KIF26B: variants seen among roughly 807,000 people sequenced by gnomAD.
The protein encoded by KIF26B is kinesin family member 26B.
Under a neutral mutation model 151.2 loss-of-function variants are expected in KIF26B, and 63 were observed. That is an observed-to-expected ratio of 0.42 (90% confidence interval 0.34 to 0.51). The LOEUF is 0.51. Among genes scored for constraint, KIF26B ranks in the 20% least tolerant of loss-of-function variants. KIF26B has a pLI of 0.07. For synonymous variants in KIF26B, 1,357 were observed against 1,262.1 expected (o/e 1.08, Z -1.59); for missense variants, 2,813 against 2,913.6 (o/e 0.97, Z 0.79).
intron 2 of KIF26B, among the ~76,000 whole-genome samples, chr1:245,173,236 G>T (rs1668743584): frequency 6.6e-6 from 1 of 152,220 alleles, no homozygotes; most frequent in Non-Finnish European, 1.5e-5. Flanking sequence ...TGGTTACCAA[G>T]AATTGGGGAA....
At chr1:245,652,041 G>T (rs1183332991) in intron 10 of KIF26B, among the ~76,000 whole-genome samples, 1 of 151,476 alleles carries the variant, frequency 6.6e-6, no homozygotes, top group Admixed American at 6.6e-5. Flanking sequence ...AAAATGCAAA[G>T]GAGTATCAGT....
chr1:245,490,731 A>G (rs1002457194), intron 4 of KIF26B, among the ~76,000 whole-genome samples: 5 of 152,216 alleles, frequency 3.3e-5, no homozygotes, highest in African/African-American at 1.2e-4. Flanking sequence ...CCTGTTTTCC[A>G]TTCATTCTAC....
rs2043399788 is a variant in KIF26B at position 245,601,884 on chromosome 1, A to G, written c.1351-693A>G. Among the ~76,000 whole-genome samples, 1 of 152,134 alleles carries G rather than the reference A, an allele frequency of 6.6e-6. No individual in the cohort carries two copies. The highest frequency in any genetic ancestry group is 2.4e-5 in the African/African-American group (1 of 41,382). On this transcript the variant is annotated intron_variant, in intron 5 of 14. Coordinates refer to ENST00000407071, the MANE Select transcript of KIF26B (RefSeq NM_018012.4). This position sits in a 1 kb window ranked among gnomAD's most constrained non-coding sequence, Gnocchi z 4.4. ...CGGGGCTGGGTTGGTGGTGGGTACC[A>G]GAGGTGCTCAGTGTTCAATCACGCA... is the stretch of plus-strand genomic sequence containing the variant.
At chr1:245,533,351 A>G (rs1017577686) in intron 4 of KIF26B, among the ~76,000 whole-genome samples, 1 of 152,098 alleles carries the variant, frequency 6.6e-6, no homozygotes, top group Non-Finnish European at 1.5e-5. Context: ...AGAGTCTCAC[A>G]GTTTTTCAGT....
intron 2 of KIF26B, among the ~76,000 whole-genome samples, chr1:245,360,676 T>C (rs561213210): frequency 6.6e-5 from 10 of 152,054 alleles, no homozygotes; most frequent in Non-Finnish European, 1.0e-4. Flanking sequence ...TTCAAAATAG[T>C]CAACACTGTC....
intron 4 of KIF26B, among the ~76,000 whole-genome samples, chr1:245,521,940 G>C (rs896216558): frequency 6.6e-6 from 1 of 150,702 alleles, no homozygotes; most frequent in African/African-American, 2.4e-5. Flanking sequence ...TGCGATCTCG[G>C]CTCACTGCAA....
At chr1:245,317,920 G>T (rs1382498262) in intron 2 of KIF26B, among the ~76,000 whole-genome samples, 1 of 152,156 alleles carries the variant, frequency 6.6e-6, no homozygotes, top group Non-Finnish European at 1.5e-5. Context: ...TTATCTTTCC[G>T]TCTTCAATGG....
At chr1:245,219,639 C>T (rs1473890088) in intron 2 of KIF26B, among the ~76,000 whole-genome samples, 13 of 152,006 alleles carry the variant, frequency 8.6e-5, no homozygotes, top group Admixed American at 5.2e-4. Flanking sequence ...GAGGCTGAGG[C>T]GGGAGGATCA....
chr1:245,444,442 G>A (rs548844314), intron 4 of KIF26B, among the ~76,000 whole-genome samples: 11 of 152,252 alleles, frequency 7.2e-5, no homozygotes, highest in Non-Finnish European at 1.5e-4. Context: ...CCCCTCCTCC[G>A]TACCTTGCAG....
chr1:245,331,807 A>T (rs1349476382), intron 2 of KIF26B, among the ~76,000 whole-genome samples: 1 of 152,214 alleles, frequency 6.6e-6, no homozygotes, highest in Non-Finnish European at 1.5e-5. Flanking sequence ...GGATTTTTAA[A>T]AAGTGAGATT....
chr1:245,245,858 G>A (rs550481023), intron 2 of KIF26B, among the ~76,000 whole-genome samples: 31 of 146,986 alleles, frequency 2.1e-4, no homozygotes, highest in Non-Finnish European at 3.9e-4. Context: ...CCCAAGAGGC[G>A]GAGATTGCAG....
intron 10 of KIF26B, among the ~76,000 whole-genome samples, chr1:245,680,556 G>A (rs923515469): frequency 2.0e-5 from 3 of 151,972 alleles, no homozygotes; most frequent in African/African-American, 4.8e-5. Context: ...TCGCTATCAC[G>A]ATGTTCTCTC....
At chr1:245,658,191 C>T (rs982855204) in intron 10 of KIF26B, among the ~76,000 whole-genome samples, 1 of 152,154 alleles carries the variant, frequency 6.6e-6, no homozygotes, top group African/African-American at 2.4e-5. Context: ...TTTTGAGATC[C>T]ATCTTGATGC....
intron 5 of KIF26B, among the ~76,000 whole-genome samples, chr1:245,570,171 C>A (rs2043053792): frequency 6.6e-6 from 1 of 151,834 alleles, no homozygotes; most frequent in Non-Finnish European, 1.5e-5. Flanking sequence ...CTCCTGACCT[C>A]GTGATCCACC....
intron 2 of KIF26B, among the ~76,000 whole-genome samples, chr1:245,284,324 A>G (rs1671128054): frequency 6.6e-6 from 1 of 152,086 alleles, no homozygotes; most frequent in Admixed American, 6.5e-5. Context: ...ATCTCTGGGG[A>G]ATTTTTGAGG....
chr1:245,184,047 G>GTTTTTTTT (rs1469137088), intron 2 of KIF26B, among the ~76,000 whole-genome samples: 40 of 9,232 alleles, frequency 4.3e-3, no homozygotes, highest in South Asian at 8.9e-3. Flanking sequence ...GGTGGGAGTT[G>GTTTTTTTT]TTGTTTTTTT....
chr1:245,432,147 C>T (rs976349038), intron 4 of KIF26B, among the ~76,000 whole-genome samples: 6 of 152,102 alleles, frequency 3.9e-5, no homozygotes, highest in African/African-American at 1.4e-4. Context: ...GTACCTGCTA[C>T]ATTAGGAATA....
intron 4 of KIF26B, among the ~76,000 whole-genome samples, chr1:245,522,113 C>T (rs1226947727): frequency 2.0e-5 from 3 of 152,140 alleles, no homozygotes; most frequent in Non-Finnish European, 4.4e-5. Flanking sequence ...TCATGATCTG[C>T]CCGCCTTGGC....
At chr1:245,693,056 T>C (rs1304048891) in intron 12 of KIF26B, among the ~76,000 whole-genome samples, 3 of 152,190 alleles carry the variant, frequency 2.0e-5, no homozygotes, top group South Asian at 2.1e-4. Flanking sequence ...ATCCATTATA[T>C]GTTATGTCAA....
Sources: gnomAD v4.1 joint callset for allele counts (sites outside exome capture counted in the v4.1 genomes callset) on GRCh38, gnomAD v4.1.1 for gene constraint, Gnocchi (gnomAD v3.1) non-coding constraint, MANE v1.5 for transcripts, NCBI Gene and HGNC (gene_info 2026-07-23, HGNC 2026-07-21) for gene names.